The following AGPS variants were observed in gnomAD, a reference collection of about 807,000 sequenced individuals.
AGPS encodes the protein alkyldihydroxyacetonephosphate synthase, peroxisomal.
Under a neutral mutation model 90.7 loss-of-function variants are expected in AGPS, and 26 were observed. That is an observed-to-expected ratio of 0.29 (90% CI 0.21 to 0.40). AGPS has a LOEUF of 0.40. Among genes scored for constraint, AGPS ranks in the 10% least tolerant of loss-of-function variants. AGPS has a pLI of 1.00. For synonymous variants in AGPS, 294 were observed against 285.3 expected (o/e 1.03, Z -0.31); for missense variants, 540 against 816.1 (o/e 0.66, Z 4.12).
At chr2:177,465,343 T>C (rs1396173801) in intron 9 of AGPS, among the ~76,000 whole-genome samples, 4 of 151,936 alleles carry the variant, frequency 2.6e-5, no homozygotes, top group Non-Finnish European at 4.4e-5. Context: ...TGAACACTTT[T>C]AACATCTTCG....
rs1385448396 is a variant in AGPS at position 177,540,942 on chromosome 2, A to G, written c.*2747A>G. 1 of 152,118 alleles carries G rather than the reference A, an allele frequency of 6.6e-6. No homozygotes were observed. Among genetic ancestry groups the G allele is most frequent in the East Asian group, 1.9e-4 (1 of 5,202 alleles). 9.4% of individuals were successfully genotyped at this position (152,118 alleles called of 1,614,324 possible). A position where few individuals can be genotyped will look rare whatever the true frequency, so the allele number is the denominator to read the frequency against. On this transcript the variant is annotated 3_prime_UTR_variant, in exon 20 of 20. Coordinates refer to ENST00000264167, the MANE Select transcript of AGPS (RefSeq NM_003659.4). ...GTGCATAAGTGAATTTAGTCTTATG[A>G]TAAGTAACTTTGAGCTGTTTTTAGC...
Position 177,540,219 on chromosome 2 carries a change from CT to C in AGPS, c.*2026del, listed in dbSNP as rs2079222649. 1 of 151,724 alleles carries C rather than the reference CT, an allele frequency of 6.6e-6. No homozygotes were observed. Among genetic ancestry groups the C allele is most frequent in the Admixed American group, 6.6e-5 (1 of 15,200 alleles). The allele number at this position is 151,724 out of a possible 1,614,324, so 9.4% of individuals were successfully genotyped here. On this transcript the variant is annotated 3_prime_UTR_variant, in exon 20 of 20. Transcript: ENST00000264167. ...ATTTCAGCAACCTCAGAAATCCATA[CT>C]TGATATTAGGAAACTGTAAATGTAA...
intron 1 of AGPS, among the ~76,000 whole-genome samples, chr2:177,408,242 C>G (rs1221308141): frequency 6.6e-6 from 1 of 152,182 alleles, no homozygotes; most frequent in Non-Finnish European, 1.5e-5. Flanking sequence ...TGGTTTGAAA[C>G]TCTTCTCCAT....
At chr2:177,399,863 G>A (rs1347480322) in intron 1 of AGPS, among the ~76,000 whole-genome samples, 1 of 152,086 alleles carries the variant, frequency 6.6e-6, no homozygotes, top group Non-Finnish European at 1.5e-5. Context: ...GTACTTTTTT[G>A]TGTTTGGCTT....
At chr2:177,479,756 A>G (rs892394892) in intron 10 of AGPS, among the ~76,000 whole-genome samples, 1 of 152,238 alleles carries the variant, frequency 6.6e-6, no homozygotes, top group Non-Finnish European at 1.5e-5. Flanking sequence ...GTGGTTGCCT[A>G]TGGCTAGGGT....
At chr2:177,431,496 A>AATT (rs1291588327) in intron 2 of AGPS, among the ~76,000 whole-genome samples, 2 of 152,160 alleles carry the variant, frequency 1.3e-5, no homozygotes, top group African/African-American at 4.8e-5. Flanking sequence ...CCACCCTAAT[A>AATT]AGCCAGAGGG....
chr2:177,537,174 C>G (rs1254419097), intron 19 of AGPS, among the ~76,000 whole-genome samples: 1 of 152,066 alleles, frequency 6.6e-6, no homozygotes, highest in Non-Finnish European at 1.5e-5. Flanking sequence ...ATATTGCTTG[C>G]TTTTTAATAC....
At chr2:177,496,485 A>G (rs1267121739) in intron 12 of AGPS, among the ~76,000 whole-genome samples, 2 of 152,178 alleles carry the variant, frequency 1.3e-5, no homozygotes, top group East Asian at 3.8e-4. Context: ...ATAGTTTAAA[A>G]TAAAAGAAAA....
chr2:177,455,796 A>G (rs745957686), intron 8 of AGPS, among the ~76,000 whole-genome samples: 4 of 150,080 alleles, frequency 2.7e-5, no homozygotes, highest in Non-Finnish European at 5.9e-5. Flanking sequence ...TTTTAGCAGC[A>G]TATACATTTT....
intron 10 of AGPS, among the ~76,000 whole-genome samples, chr2:177,473,319 C>T (rs552592629): frequency 3.3e-5 from 5 of 152,088 alleles, no homozygotes; most frequent in East Asian, 3.9e-4. Flanking sequence ...ATCCTTAAGT[C>T]CTGAGAATAT....
At chr2:177,469,838 T>C (rs950430314) in intron 10 of AGPS, among the ~76,000 whole-genome samples, 12 of 152,080 alleles carry the variant, frequency 7.9e-5, no homozygotes, top group African/African-American at 2.7e-4. Context: ...CACATTATAC[T>C]TTTTTTTCTC....
chr2:177,525,843 C>G (rs1317889513), intron 19 of AGPS, among the ~76,000 whole-genome samples: 1 of 152,182 alleles, frequency 6.6e-6, no homozygotes, highest in Non-Finnish European at 1.5e-5. Flanking sequence ...TCAAGTCCCT[C>G]TAATAGTGTC....
chr2:177,480,540 G>T (rs1687912934), intron 10 of AGPS, among the ~76,000 whole-genome samples: 1 of 152,080 alleles, frequency 6.6e-6, no homozygotes, highest in Non-Finnish European at 1.5e-5. Flanking sequence ...AGAACACTTG[G>T]ACACAGGAAG....
At chr2:177,440,779 G>C (rs528047334) in intron 5 of AGPS, among the ~76,000 whole-genome samples, 186 bp from the exon 6 acceptor site, 16 of 152,174 alleles carry the variant, frequency 1.1e-4, no homozygotes, top group Non-Finnish European at 1.9e-4. Context: ...TTTTTTGTAA[G>C]TCAAATTATT....
At chr2:177,428,839 TC>T (rs1459878207) in intron 2 of AGPS, among the ~76,000 whole-genome samples, 1 of 152,156 alleles carries the variant, frequency 6.6e-6, no homozygotes, top group African/African-American at 2.4e-5. Context: ...TCTCTGGACT[TC>T]CTGCATTTGA....
intron 3 of AGPS, among the ~76,000 whole-genome samples, chr2:177,435,235 A>G (rs1686369140): frequency 6.6e-6 from 1 of 151,810 alleles, no homozygotes. Context: ...CTTGTTGTTA[A>G]GTGGTATAGG....
chr2:177,472,161 T>A (rs1231151729), intron 10 of AGPS, among the ~76,000 whole-genome samples: 1 of 151,842 alleles, frequency 6.6e-6, no homozygotes, highest in Non-Finnish European at 1.5e-5. Flanking sequence ...GGGACATTGA[T>A]TATACGTATG....
At chr2:177,394,046 A>G (rs1000465713) in intron 1 of AGPS, among the ~76,000 whole-genome samples, 2 of 152,186 alleles carry the variant, frequency 1.3e-5, no homozygotes, top group Non-Finnish European at 2.9e-5. Flanking sequence ...GAGTCTTAGC[A>G]GATATGCTGT....
At chr2:177,475,310 G>C (rs943338470) in intron 10 of AGPS, among the ~76,000 whole-genome samples, 1 of 152,210 alleles carries the variant, frequency 6.6e-6, no homozygotes, top group Non-Finnish European at 1.5e-5. Flanking sequence ...TGGTGAGAAA[G>C]AGTAGGTGTG....
Sources: gnomAD v4.1 joint callset for allele counts (sites outside exome capture counted in the v4.1 genomes callset) on GRCh38, gnomAD v4.1.1 for gene constraint, MANE v1.5 for transcripts, NCBI Gene and HGNC (gene_info 2026-07-23, HGNC 2026-07-21) for gene names.